The following CPSF7 variants were observed in gnomAD, a reference collection of about 807,000 sequenced individuals.
CPSF7 encodes the protein cleavage and polyadenylation specific factor 7.
In CPSF7, 1 loss-of-function variant was observed where a neutral mutation model predicts 44.3. The ratio of observed to expected loss-of-function variants is 0.02; its 90% CI spans 0.01 to 0.11. The LOEUF is 0.11. Ranked by LOEUF, CPSF7 falls within the 10% of genes least tolerant of loss-of-function variation. CPSF7 has a pLI of 1.00. For missense variants in CPSF7, 443 were observed against 607.2 expected, an observed-to-expected ratio of 0.73 and a Z score of 2.84; for synonymous variants, 202 against 222.0, an observed-to-expected ratio of 0.91 and a Z score of 0.80.
At chr11:61,425,125 ATGG>A (rs1231563710) in intron 2 of CPSF7, among the ~76,000 whole-genome samples, 2 of 152,226 alleles carry the variant, frequency 1.3e-5, no homozygotes, top group African/African-American at 4.8e-5. Context: ...CAAGATTTAA[ATGG>A]TCTCTCTGGG....
Position 61,411,083 on chromosome 11 carries a change from T to C in CPSF7, c.1249A>G (p.Arg417Gly), listed in dbSNP as rs910509841. Reference protein sequence around the residue: ...SSRKRHRSRERSPSRSRESSR... With the variant: ...SSRKRHRSREGSPSRSRESSR... ...CTCTCCCGGGACCGGCTAGGTGACC[T>C]TTCCCGGGAGCGATGTCTTTTCCTA... Residue 417 changes from arginine to glycine, a missense_variant, in exon 9 of 10, where the codon AGG becomes GGG. Coordinates refer to ENST00000439958, the MANE Select transcript of CPSF7 (RefSeq NM_001142565.3). 2.1e-5 allele frequency: 34 copies of C among 1,611,170 alleles called. No homozygotes were observed. The highest frequency in any genetic ancestry group is 2.5e-5 in the Non-Finnish European group (30 of 1,179,304).
intron 1 of CPSF7, 34 bp downstream of exon 1, chr11:61,429,880 G>T: frequency 6.5e-7 from 1 of 1,528,186 alleles, no homozygotes. Context: ...CCCTCTTCCG[G>T]CCCAACCTGC....
At chr11:61,412,430 C>T (rs957976039) in intron 7 of CPSF7, among the ~76,000 whole-genome samples, 1 of 151,996 alleles carries the variant, frequency 6.6e-6, no homozygotes, top group African/African-American at 2.4e-5. Flanking sequence ...GCTGGGACTA[C>T]AGGCGCCTGC....
At position 61,429,292 on chromosome 11, in the gene CPSF7, T is replaced by G; in HGVS notation, c.-55-2A>C. On this transcript the variant is annotated splice_acceptor_variant, in intron 1 of 9. Transcript: ENST00000439958. LOFTEE classifies it low-confidence loss of function (5UTR_SPLICE). ...ATGGACAAAGTAAGGAAGATGCCAC[T>G]GCGGGATTCGGAAAAATGCAAGAAT... 6.3e-7 allele frequency: 1 copy of G among 1,594,098 alleles called. No individual in the cohort carries two copies. The highest frequency in any genetic ancestry group is 8.6e-7 in the Non-Finnish European group (1 of 1,161,894).
At position 61,411,068 on chromosome 11, in the gene CPSF7, A is replaced by T; in HGVS notation, c.1264T>A (p.Ser422Thr). The change falls in exon 9 of 10, where the codon TCC becomes ACC. Residue 422 changes from serine (S) to threonine (T), a missense_variant. Ser to Thr is a moderately conservative substitution (Grantham distance 58). Coordinates refer to ENST00000439958, the MANE Select transcript of CPSF7 (RefSeq NM_001142565.3). ...HRSRERSPSR[S>T]RESSRRHRDL... is the part of the protein sequence containing the mutation. Reference sequence around the variant, plus strand: ...CGGTGCCTCCTGCTGCTCTCCCGGGACCGGCTAGGTGACCTTTCCCGGGAG... The same window carrying T: ...CGGTGCCTCCTGCTGCTCTCCCGGGTCCGGCTAGGTGACCTTTCCCGGGAG... 1 of 1,612,724 alleles carries T rather than the reference A, an allele frequency of 6.2e-7. No homozygotes were observed. The highest frequency in any genetic ancestry group is 8.5e-7 in the Non-Finnish European group (1 of 1,179,686).
intron 9 of CPSF7, among the ~76,000 whole-genome samples, chr11:61,408,313 T>C (rs1483627448): frequency 1.3e-5 from 2 of 152,110 alleles, no homozygotes; most frequent in South Asian, 2.1e-4. Flanking sequence ...TTCACCATGT[T>C]AGCCAGGACG....
intron 1 of CPSF7, 33 bp from the exon 2 acceptor site, chr11:61,429,323 G>C (rs187078545): frequency 7.8e-7 from 1 of 1,284,402 alleles, no homozygotes; most frequent in Non-Finnish European, 1.1e-6. Context: ...AGAATTAGAA[G>C]GCACGAGGGT....
At chr11:61,428,615 A>G (rs1298694893) in intron 2 of CPSF7, among the ~76,000 whole-genome samples, 2 of 152,248 alleles carry the variant, frequency 1.3e-5, no homozygotes, top group African/African-American at 4.8e-5. Context: ...CCCTCTAGAA[A>G]GACTAAAGGT....
Position 61,429,938 on chromosome 11 carries a change from G to A in CPSF7, c.-80C>T. ...CCGGGAATATGGCGGCGGCGGCGGC[G>A]AGTCCGGACTAGGCCCGAAGCGCGC... On this transcript the variant is annotated 5_prime_UTR_variant, in exon 1 of 10. Coordinates refer to ENST00000439958, the MANE Select transcript of CPSF7 (RefSeq NM_001142565.3). The A allele has an allele frequency of 4.2e-6, 6 of 1,415,794 alleles. No individual in the cohort carries two copies. Among genetic ancestry groups the A allele is most frequent in the Non-Finnish European group, 5.7e-6 (6 of 1,056,436 alleles). The allele number at this position is 1,415,794 out of a possible 1,614,324, so 87.7% of individuals were successfully genotyped here.
rs1590698259 is a variant in CPSF7 at position 61,415,859 on chromosome 11, AT to A, written c.939-76del. Reference sequence around the variant, plus strand: ...TACTGTACTCTACAACACTTTGGTAATTTTGGCATAACACAGAACAATGCTA... The same window carrying A: ...TACTGTACTCTACAACACTTTGGTAATTTGGCATAACACAGAACAATGCTA... On this transcript the variant is annotated intron_variant, in intron 6 of 9. Transcript: ENST00000439958. 4.4e-6 allele frequency: 5 copies of A among 1,130,898 alleles called. No homozygotes were observed. In the East Asian group the frequency reaches 9.4e-5, roughly 21 times the overall value. The allele number at this position is 1,130,898 out of a possible 1,614,324, so 70.1% of individuals were successfully genotyped here. A position where few individuals can be genotyped will look rare whatever the true frequency, so the allele number is the denominator to read the frequency against.
chr11:61,421,662 C>T (rs970113899), intron 2 of CPSF7, 54 bp from the exon 3 acceptor site: 6 of 1,217,096 alleles, frequency 4.9e-6, no homozygotes, highest in Non-Finnish European at 7.2e-6. Context: ...TTTGTTCATT[C>T]TATTTCACTC....
intron 9 of CPSF7, among the ~76,000 whole-genome samples, chr11:61,404,963 AG>A: frequency 1.3e-5 from 2 of 152,358 alleles, no homozygotes; most frequent in East Asian, 3.9e-4. Context: ...GTGAAAAAAC[AG>A]AACAAAATGA....
chr11:61,418,143 T>C (rs998922256), intron 5 of CPSF7, among the ~76,000 whole-genome samples: 2 of 152,204 alleles, frequency 1.3e-5, no homozygotes, highest in Non-Finnish European at 1.5e-5. Flanking sequence ...CAAATCTATC[T>C]AGGCTGTCAA....
rs1859012697 is a variant in CPSF7, at chr11:61,402,999, G to C, written c.*1711C>G. 1 of 152,132 alleles carries C rather than the reference G, an allele frequency of 6.6e-6. No homozygotes were observed. The highest frequency in any genetic ancestry group is 2.4e-5 in the African/African-American group (1 of 41,352). 9.4% of individuals were successfully genotyped at this position (152,132 alleles called of 1,614,324 possible). The stretch of plus-strand genomic sequence containing the variant: ...TTCTCTACATTTTAAAAGACACCCG[G>C]AGTTGCTCTCAATAAGCACATCACT... On this transcript the variant is annotated 3_prime_UTR_variant, in exon 10 of 10. Transcript: ENST00000439958.
chr11:61,421,147 A>G (rs1860837437), intron 3 of CPSF7: 1 of 1,431,368 alleles, frequency 7.0e-7, no homozygotes, highest in Non-Finnish European at 9.3e-7. Context: ...ATAAAGCCCC[A>G]GGGTCAGGGG....
At chr11:61,422,658 T>C (rs1860990669) in intron 2 of CPSF7, among the ~76,000 whole-genome samples, 2 of 152,062 alleles carry the variant, frequency 1.3e-5, no homozygotes, top group South Asian at 2.1e-4. Flanking sequence ...TTCTCTAAAA[T>C]ATAAGGGCCA....
Position 61,429,923 on chromosome 11 carries a change from G to A in CPSF7, c.-65C>T. On this transcript the variant is annotated 5_prime_UTR_variant, in exon 1 of 10. Transcript: ENST00000439958. ...CGCGCGCCCCCGTTACCGGGAATAT[G>A]GCGGCGGCGGCGGCGAGTCCGGACT... 1.4e-6 allele frequency: 2 copies of A among 1,415,502 alleles called. No individual in the cohort carries two copies. Among genetic ancestry groups the A allele is most frequent in the East Asian group, 2.6e-5 (1 of 38,148 alleles). The allele number at this position is 1,415,502 out of a possible 1,614,324, so 87.7% of individuals were successfully genotyped here.
chr11:61,423,450 C>T (rs1861080302), intron 2 of CPSF7, among the ~76,000 whole-genome samples: 1 of 152,064 alleles, frequency 6.6e-6, no homozygotes, highest in South Asian at 2.1e-4. Flanking sequence ...GGATTACAGG[C>T]GTGAGCCACC....
chr11:61,409,710 T>C (rs1429309694), intron 9 of CPSF7, among the ~76,000 whole-genome samples: 1 of 151,442 alleles, frequency 6.6e-6, no homozygotes, highest in Non-Finnish European at 1.5e-5. Flanking sequence ...GCATGGTGGC[T>C]CACGCCTGTA....
Sources: allele counts gnomAD v4.1 joint callset (sites outside exome capture counted in the v4.1 genomes callset), GRCh38; gene constraint gnomAD v4.1.1; transcripts MANE v1.5; gene names NCBI Gene and HGNC (gene_info 2026-07-23, HGNC 2026-07-21).